The following PTK7 variants were observed in gnomAD, a reference collection of about 807,000 sequenced individuals.
PTK7 encodes the protein protein tyrosine kinase 7 (inactive).
Under a neutral mutation model 116.6 loss-of-function variants are expected in PTK7, and 39 were observed. The ratio of observed to expected loss-of-function variants is 0.33; its 90% CI spans 0.26 to 0.44. The LOEUF is 0.44. Among genes scored for constraint, PTK7 ranks in the 20% least tolerant of loss-of-function variants. PTK7 has a pLI of 1.00. For synonymous variants in PTK7, 546 were observed against 563.6 expected (o/e 0.97, Z 0.44); for missense variants, 1,169 against 1,425.6 (o/e 0.82, Z 2.90).
At chr6:43,118,745 G>A (rs1209096856) in intron 1 of PTK7, among the ~76,000 whole-genome samples, 4 of 123,360 alleles carry the variant, frequency 3.2e-5, no homozygotes, top group African/African-American at 1.1e-4. Context: ...ATATATGTGT[G>A]TGTATGTGTG....
chr6:43,117,016 G>T (rs1242901330), intron 1 of PTK7, among the ~76,000 whole-genome samples: 1 of 152,132 alleles, frequency 6.6e-6, no homozygotes, highest in Non-Finnish European at 1.5e-5. Context: ...TAGGGACGGG[G>T]TTTCACCATG....
chr6:43,129,098 C>T lies in PTK7; in HGVS notation c.201C>T (p.Leu67=), dbSNP rs199997641. ...APGPVHVYWL[L]DGAPVQDTER... ...GCCCGGTACATGTGTACTGGCTGCT[C>T]GATGGGGCCCCTGTCCAGGACACGG... Residue 67 remains leucine (L), a synonymous_variant, in exon 2 of 20, where the codon CTC becomes CTT. Transcript: ENST00000230419. This position sits in a 1 kb window ranked among gnomAD's most constrained non-coding sequence, Gnocchi z 4.5. 188 of 1,614,050 alleles carry T rather than the reference C, an allele frequency of 1.2e-4. No individual in the cohort carries two copies. The East Asian group carries it at 2.5e-3, about 22-fold the overall frequency.
intron 1 of PTK7, among the ~76,000 whole-genome samples, chr6:43,101,886 T>TA (rs1211911372): frequency 6.6e-6 from 1 of 152,158 alleles, no homozygotes; most frequent in Non-Finnish European, 1.5e-5. Context: ...TTACCCTTTA[T>TA]AACTCATCAA....
chr6:43,095,197 T>TAAAA (rs34914497), intron 1 of PTK7, among the ~76,000 whole-genome samples: 4 of 89,016 alleles, frequency 4.5e-5, no homozygotes, highest in Middle Eastern at 6.2e-3. Context: ...CAGTCTCTAC[T>TAAAA]AAAAAAAAAA....
At position 43,076,398 on chromosome 6, in the gene PTK7, G is replaced by C. The variant is rs1442995777; in HGVS notation, c.-91G>C. ...CTGCGGCTGCTGCTGCGGCGCCCGC[G>C]CTCCGGTGCGCTCCGCCTCCTGTGC... On this transcript the variant is annotated 5_prime_UTR_variant, in exon 1 of 20. Transcript: ENST00000230419. This position sits in a 1 kb window ranked among gnomAD's most constrained non-coding sequence, Gnocchi z 5.7. The C allele has an allele frequency of 4.8e-6, 5 of 1,036,940 alleles. No homozygotes were observed. The highest frequency in any genetic ancestry group is 6.3e-6 in the Non-Finnish European group (5 of 792,856). 64.2% of individuals were successfully genotyped at this position (1,036,940 alleles called of 1,614,324 possible). A position where few individuals can be genotyped will look rare whatever the true frequency, so the allele number is the denominator to read the frequency against.
At chr6:43,098,360 CT>C (rs200911784) in intron 1 of PTK7, among the ~76,000 whole-genome samples, 1,679 of 143,438 alleles carry the variant, frequency 0.012, 6 homozygotes, top group African/African-American at 0.02. Context: ...AAGAAGCAAA[CT>C]TTTTTTTTTT....
At chr6:43,121,446 C>T (rs1768954721) in intron 1 of PTK7, among the ~76,000 whole-genome samples, 1 of 152,204 alleles carries the variant, frequency 6.6e-6, no homozygotes, top group Non-Finnish European at 1.5e-5. Flanking sequence ...TCAGCAGGGT[C>T]CCTGGCTCTG....
chr6:43,124,393 A>G (rs1769152713), intron 1 of PTK7, among the ~76,000 whole-genome samples: 1 of 152,222 alleles, frequency 6.6e-6, no homozygotes, highest in Non-Finnish European at 1.5e-5. Context: ...AAAACAAAAC[A>G]GCGGACCAAA....
At chr6:43,099,235 CTT>C (rs11375658) in intron 1 of PTK7, among the ~76,000 whole-genome samples, 53 of 136,882 alleles carry the variant, frequency 3.9e-4, no homozygotes, top group Non-Finnish European at 4.9e-4. Flanking sequence ...ACTATTTTTC[CTT>C]TTTTTTTTTT....
intron 1 of PTK7, among the ~76,000 whole-genome samples, chr6:43,095,079 G>T (rs1426085098): frequency 2.0e-5 from 3 of 148,288 alleles, no homozygotes; most frequent in African/African-American, 7.5e-5. Context: ...AAATAAAAAG[G>T]CCGGGCGCAG....
chr6:43,148,468 A>G (rs575146238), intron 17 of PTK7, among the ~76,000 whole-genome samples: 2 of 152,298 alleles, frequency 1.3e-5, no homozygotes, highest in East Asian at 3.9e-4. Context: ...AGAGAAAACC[A>G]TTTGAGTTTA....
chr6:43,104,808 CTT>C (rs35126838), intron 1 of PTK7, among the ~76,000 whole-genome samples: 83 of 102,832 alleles, frequency 8.1e-4, no homozygotes, highest in African/African-American at 3.0e-3. Context: ...ATTAGCACAA[CTT>C]TTTTTTTTTT....
chr6:43,097,214 G>T (rs1418190562), intron 1 of PTK7, among the ~76,000 whole-genome samples: 1 of 152,186 alleles, frequency 6.6e-6, no homozygotes, highest in East Asian at 1.9e-4. Flanking sequence ...GAAGGCCCCT[G>T]CATCTTTTAA....
rs1018463840 is a variant in PTK7 at position 43,077,027 on chromosome 6, G to A, written c.79+460G>A. On this transcript the variant is annotated intron_variant, in intron 1 of 19. Transcript: ENST00000230419. ...TTGGGGCCCGATGCCGGACAGACCT[G>A]CGGCGCGCAAAGCGCGGAGCTTTGT... The A allele has an allele frequency of 5.1e-6, 7 of 1,361,206 alleles. No individual in the cohort carries two copies. In the African/African-American group the frequency reaches 1.0e-4, roughly 20 times the overall value. 84.3% of individuals were successfully genotyped at this position (1,361,206 alleles called of 1,614,324 possible). A position where few individuals can be genotyped will look rare whatever the true frequency, so the allele number is the denominator to read the frequency against.
At chr6:43,114,712 G>A (rs776584389) in intron 1 of PTK7, among the ~76,000 whole-genome samples, 6 of 152,132 alleles carry the variant, frequency 3.9e-5, no homozygotes, top group Non-Finnish European at 8.8e-5. Flanking sequence ...TATGCTTTAT[G>A]TTTCCCTCTG....
At chr6:43,140,200 G>A (rs1012576239) in intron 10 of PTK7, among the ~76,000 whole-genome samples, 3 of 152,132 alleles carry the variant, frequency 2.0e-5, no homozygotes, top group African/African-American at 7.2e-5. Flanking sequence ...TGTAATCCCA[G>A]CACTGTGGGA....
chr6:43,076,958 C>G lies in PTK7; in HGVS notation c.79+391C>G. 1 of 1,511,890 alleles carries G rather than the reference C, an allele frequency of 6.6e-7. No homozygotes were observed. The highest frequency in any genetic ancestry group is 8.9e-7 in the Non-Finnish European group (1 of 1,129,826). 93.7% of individuals were successfully genotyped at this position (1,511,890 alleles called of 1,614,324 possible). On this transcript the variant is annotated intron_variant, in intron 1 of 19. Coordinates refer to ENST00000230419, the MANE Select transcript of PTK7 (RefSeq NM_002821.5). The surrounding 1 kb of genome is among the most constrained non-coding windows in gnomAD (Gnocchi z 5.7). ...GGAGCGCGATGGAGAAAAAGGAATT[C>G]CCCACCCCACCCGGCAGGGTCGGCC...
In PTK7 at chr6:43,141,842, GC is replaced by G. The variant is rs775479254; in HGVS notation, c.1768+26del. On this transcript the variant is annotated intron_variant, in intron 11 of 19. Transcript: ENST00000230419. The surrounding 1 kb of genome is among the most constrained non-coding windows in gnomAD (Gnocchi z 4.9). ...GGTGCGACCGTGGCAGGGCCCTGGG[GC>G]TGGGAGGGCCCTCTGGGGTAGCACC... 18 of 1,609,932 alleles carry G rather than the reference GC, an allele frequency of 1.1e-5. No individual in the cohort carries two copies. The highest frequency in any genetic ancestry group is 1.0e-4 in the Admixed American group (6 of 59,946).
At position 43,153,960 on chromosome 6, in the gene PTK7, C is replaced by T. The variant is rs567761491; in HGVS notation, c.2722-4857C>T. On this transcript the variant is annotated intron_variant, in intron 17 of 19. Coordinates refer to ENST00000230419, the MANE Select transcript of PTK7 (RefSeq NM_002821.5). ...GCAGGTGGATCACTTAATGGCAGTT[C>T]AAGACCAGCCTGGCCAAAATGGTGA... is the stretch of plus-strand genomic sequence containing the variant. Among the ~76,000 whole-genome samples the T allele has an allele frequency of 3.9e-5, 6 of 152,020 alleles. No homozygotes were observed. The South Asian group carries it at 1.2e-3, about 32-fold the overall frequency.
Sources: allele counts gnomAD v4.1 joint callset (sites outside exome capture counted in the v4.1 genomes callset), GRCh38; gene constraint gnomAD v4.1.1; non-coding constraint Gnocchi (gnomAD v3.1); transcripts MANE v1.5; gene names NCBI Gene and HGNC (gene_info 2026-07-23, HGNC 2026-07-21).